KIF21A: variants seen among roughly 807,000 people sequenced by gnomAD.
The protein encoded by KIF21A is kinesin-like protein KIF21A.
A neutral mutation model predicts 202.9 loss-of-function variants in KIF21A; 114 were observed. The observed-to-expected ratio is 0.56, with a 90% CI of 0.48 to 0.66. The LOEUF is 0.66. Ranked by LOEUF, KIF21A falls within the 30% of genes least tolerant of loss-of-function variation. The pLI is 0.00. For synonymous variants in KIF21A, 667 were observed against 670.8 expected (o/e 0.99, Z 0.09); for missense variants, 1,677 against 1,994.9 (o/e 0.84, Z 3.04).
intron 1 of KIF21A, among the ~76,000 whole-genome samples, chr12:39,370,904 G>T (rs577155585): frequency 1.3e-5 from 2 of 152,016 alleles, no homozygotes; most frequent in African/African-American, 4.8e-5. Flanking sequence ...ATGAAAGATT[G>T]GTTTCACATT....
intron 1 of KIF21A, among the ~76,000 whole-genome samples, chr12:39,437,969 G>C (rs758242524): frequency 3.3e-5 from 5 of 152,138 alleles, no homozygotes; most frequent in Admixed American, 6.5e-5. Flanking sequence ...CAACTTAAAA[G>C]ATCCTTATTA....
chr12:39,399,652 C>G (rs777441275), intron 1 of KIF21A, among the ~76,000 whole-genome samples: 7 of 152,300 alleles, frequency 4.6e-5, no homozygotes, highest in Middle Eastern at 3.4e-3. Context: ...CCCCAAGTAA[C>G]AAATAAAACC....
intron 35 of KIF21A, among the ~76,000 whole-genome samples, chr12:39,303,915 C>A (rs1442648385): frequency 6.6e-6 from 1 of 152,048 alleles, no homozygotes; most frequent in Non-Finnish European, 1.5e-5. Flanking sequence ...CTAAAAGTTT[C>A]TTTTTATCTT....
Position 39,332,424 on chromosome 12 carries a change from G to T in KIF21A, c.2857-16C>A, listed in dbSNP as rs758839445. 1.2e-6 allele frequency: 2 copies of T among 1,612,440 alleles called. No homozygotes were observed. Among genetic ancestry groups the T allele is most frequent in the Non-Finnish European group, 1.7e-6 (2 of 1,178,816 alleles). On this transcript the variant is annotated splice_polypyrimidine_tract_variant and intron_variant, in intron 20 of 37. Coordinates refer to ENST00000361418, the MANE Select transcript of KIF21A (RefSeq NM_001173464.2). Reference sequence around the variant, plus strand: ...CCTCCCGTTGCTATTGAGAAAGCAGGTTGGATTTTAAGAAATTATGTTCAC... The same window carrying T: ...CCTCCCGTTGCTATTGAGAAAGCAGTTTGGATTTTAAGAAATTATGTTCAC...
At chr12:39,423,978 T>C (rs1168130728) in intron 1 of KIF21A, among the ~76,000 whole-genome samples, 1 of 104,758 alleles carries the variant, frequency 9.5e-6, no homozygotes, top group Non-Finnish European at 1.8e-5. Context: ...AGCAAGACTC[T>C]GTCTCAAAAA....
intron 1 of KIF21A, among the ~76,000 whole-genome samples, chr12:39,389,561 A>C (rs1262661233): frequency 1.3e-5 from 2 of 152,180 alleles, no homozygotes; most frequent in African/African-American, 4.8e-5. Flanking sequence ...CCCAAAAACC[A>C]AATCAAATTT....
intron 31 of KIF21A, among the ~76,000 whole-genome samples, chr12:39,314,062 G>T (rs1944282593): frequency 2.0e-5 from 3 of 151,576 alleles, no homozygotes; most frequent in African/African-American, 7.3e-5. Flanking sequence ...ATTAATTCTG[G>T]TAAGGGAAAA....
chr12:39,348,207 T>A (rs1364120349), intron 11 of KIF21A, among the ~76,000 whole-genome samples: 1 of 152,068 alleles, frequency 6.6e-6, no homozygotes, highest in Non-Finnish European at 1.5e-5. Context: ...CTAACACCTC[T>A]CCATAACTTA....
chr12:39,356,662 T>C (rs150811192), intron 10 of KIF21A, 170 bp downstream of exon 10: 3 of 487,622 alleles, frequency 6.2e-6, no homozygotes, highest in East Asian at 3.5e-5. Context: ...GCTTGGAATA[T>C]GACATCAAGG....
Position 39,315,979 on chromosome 12 carries a change from A to T in KIF21A, c.3909-9T>A. ...AGTCACTTTCATCAGACCTATAGTG[A>T]AAGAGTTAGAATTATGAGAGAAAGA... On this transcript the variant is annotated splice_polypyrimidine_tract_variant and intron_variant, in intron 29 of 37. Coordinates refer to ENST00000361418, the MANE Select transcript of KIF21A (RefSeq NM_001173464.2). 6.3e-7 allele frequency: 1 copy of T among 1,590,308 alleles called. No homozygotes were observed. Among genetic ancestry groups the T allele is most frequent in the Non-Finnish European group, 8.6e-7 (1 of 1,158,614 alleles).
At chr12:39,316,099 G>T in intron 29 of KIF21A, 129 bp from the exon 30 acceptor site, 1 of 742,094 alleles carries the variant, frequency 1.3e-6, no homozygotes. Flanking sequence ...ATAGTGCCCT[G>T]CTTTTCTACT....
intron 12 of KIF21A, 44 bp downstream of exon 12, chr12:39,346,422 T>C (rs988638024): frequency 2.9e-6 from 4 of 1,374,226 alleles, no homozygotes; most frequent in Middle Eastern, 1.8e-4. Context: ...GGCAACTAAG[T>C]ATTTAAACGA....
chr12:39,356,673 G>A (rs1414794254), intron 10 of KIF21A, 159 bp downstream of exon 10: 2 of 508,666 alleles, frequency 3.9e-6, no homozygotes, highest in Non-Finnish European at 7.0e-6. Context: ...GACATCAAGG[G>A]AAAGGTAAGT....
intron 16 of KIF21A, among the ~76,000 whole-genome samples, chr12:39,339,551 T>C (rs548048792): frequency 6.6e-6 from 1 of 152,322 alleles, no homozygotes; most frequent in East Asian, 1.9e-4. Flanking sequence ...TGATTATACT[T>C]TCTAAATCAC....
At chr12:39,409,764 CT>C (rs1408528521) in intron 1 of KIF21A, among the ~76,000 whole-genome samples, 1 of 151,438 alleles carries the variant, frequency 6.6e-6, no homozygotes, top group Non-Finnish European at 1.5e-5. Context: ...TAGGCCTGAT[CT>C]AATCACAAGA....
intron 1 of KIF21A, among the ~76,000 whole-genome samples, chr12:39,394,664 C>T (rs866985484): frequency 1.8e-4 from 27 of 151,992 alleles, no homozygotes; most frequent in African/African-American, 6.5e-4. Flanking sequence ...AGAGCTCCCG[C>T]ACTGGAGTCA....
chr12:39,439,069 C>A (rs559674064), intron 1 of KIF21A, among the ~76,000 whole-genome samples: 1 of 152,142 alleles, frequency 6.6e-6, no homozygotes, highest in African/African-American at 2.4e-5. Context: ...CCTTCCTACA[C>A]CCATGCACTC....
At chr12:39,340,440 T>C in intron 15 of KIF21A, 76 bp from the exon 16 acceptor site, 1 of 1,138,170 alleles carries the variant, frequency 8.8e-7, no homozygotes, top group Non-Finnish European at 1.3e-6. Flanking sequence ...ACAGTCCATA[T>C]CCTAAGAGAA....
At chr12:39,400,520 T>C (rs1450780612) in intron 1 of KIF21A, among the ~76,000 whole-genome samples, 1 of 152,146 alleles carries the variant, frequency 6.6e-6, no homozygotes, top group Non-Finnish European at 1.5e-5. Flanking sequence ...CTCTCACTTA[T>C]GAGTGAGAAC....
Sources: gnomAD v4.1 joint callset for allele counts (sites outside exome capture counted in the v4.1 genomes callset) on GRCh38, gnomAD v4.1.1 for gene constraint, MANE v1.5 for transcripts, NCBI Gene and HGNC (gene_info 2026-07-23, HGNC 2026-07-21) for gene names.